TRMT10B: variants seen among roughly 807,000 people sequenced by gnomAD.
TRMT10B encodes tRNA methyltransferase 10 homolog B.
A neutral mutation model predicts 43.8 loss-of-function variants in TRMT10B; 33 were observed. That is an observed-to-expected ratio of 0.75 (90% CI 0.57 to 1.01). The LOEUF (loss-of-function observed/expected upper bound fraction) is 1.01. Ranked by LOEUF, TRMT10B falls within the 50% of genes least tolerant of loss-of-function variation. The pLI, the probability that TRMT10B is intolerant of heterozygous loss-of-function variation, is 0.00. For synonymous variants in TRMT10B, 137 were observed against 130.6 expected, an observed-to-expected ratio of 1.05 and a Z score of -0.34; for missense variants, 362 against 369.8, an observed-to-expected ratio of 0.98 and a Z score of 0.17.
chr9:37,759,919 T>C (rs973215017), intron 1 of TRMT10B, among the ~76,000 whole-genome samples: 4 of 152,306 alleles, frequency 2.6e-5, no homozygotes, highest in African/African-American at 9.6e-5. Flanking sequence ...AGTTAGTATA[T>C]TTTACCACAT....
intron 1 of TRMT10B, among the ~76,000 whole-genome samples, chr9:37,756,014 A>T (rs1563981818): frequency 6.6e-6 from 1 of 152,172 alleles, no homozygotes; most frequent in Non-Finnish European, 1.5e-5. Context: ...CCTATCCTAG[A>T]TCTCTTTTCC....
chr9:37,771,422 T>G (rs183253692), intron 7 of TRMT10B, among the ~76,000 whole-genome samples: 6 of 151,922 alleles, frequency 3.9e-5, no homozygotes, highest in Non-Finnish European at 7.4e-5. Flanking sequence ...AAGTATGTGT[T>G]TGTGGGTATA....
chr9:37,753,173 AGAAG>A (rs1825137298), upstream of TRMT10B, among the ~76,000 whole-genome samples: 1 of 152,106 alleles, frequency 6.6e-6, no homozygotes, highest in Non-Finnish European at 1.5e-5. Context: ...TGAACCCGCC[AGAAG>A]GAAGAAACTC....
At chr9:37,757,316 TCCTC>T (rs1207707517) in intron 1 of TRMT10B, among the ~76,000 whole-genome samples, 1 of 152,110 alleles carries the variant, frequency 6.6e-6, no homozygotes. Context: ...GCTCAATTGA[TCCTC>T]CCTCCTCAGC....
In TRMT10B at chr9:37,778,656, C is replaced by T. The variant is rs1828434375; in HGVS notation, c.*949C>T. 6.6e-6 allele frequency: 1 copy of T among 152,190 alleles called. No individual in the cohort carries two copies. The highest frequency in any genetic ancestry group is 2.1e-4 in the South Asian group (1 of 4,830). 9.4% of individuals were successfully genotyped at this position (152,190 alleles called of 1,614,324 possible). A position where few individuals can be genotyped will look rare whatever the true frequency, so the allele number is the denominator to read the frequency against. The stretch of plus-strand genomic sequence containing the variant: ...AAGAGTTTAATATTCACTAAACTGG[C>T]ATCATAAAATTGTATGACTTTCTCC... On this transcript the variant is annotated 3_prime_UTR_variant, in exon 9 of 9. Transcript: ENST00000297994.
At chr9:37,761,088 T>C (rs978042745) in intron 1 of TRMT10B, among the ~76,000 whole-genome samples, 1 of 152,228 alleles carries the variant, frequency 6.6e-6, no homozygotes, top group Non-Finnish European at 1.5e-5. Context: ...AAAAAACTGA[T>C]ACATACCAAC....
intron 6 of TRMT10B, 46 bp downstream of exon 6, chr9:37,770,065 T>C (rs771902559): frequency 6.6e-7 from 1 of 1,519,470 alleles, no homozygotes; most frequent in Non-Finnish European, 9.1e-7. Flanking sequence ...TGTTCCTGTG[T>C]TTCATTATTC....
intron 7 of TRMT10B, among the ~76,000 whole-genome samples, chr9:37,773,698 G>A (rs938363968): frequency 4.6e-5 from 7 of 152,112 alleles, no homozygotes; most frequent in Non-Finnish European, 8.8e-5. Context: ...GCTGAGTGTG[G>A]TGGCATGTGC....
At chr9:37,761,164 C>G (rs1290011143) in intron 1 of TRMT10B, among the ~76,000 whole-genome samples, 1 of 152,178 alleles carries the variant, frequency 6.6e-6, no homozygotes, top group East Asian at 1.9e-4. Flanking sequence ...CCCAAGATGT[C>G]TCTAGTACAG....
chr9:37,772,047 T>C (rs199558556), intron 7 of TRMT10B, among the ~76,000 whole-genome samples: 1 of 152,178 alleles, frequency 6.6e-6, no homozygotes, highest in African/African-American at 2.4e-5. Context: ...GGTCTCACTC[T>C]GTTGCCCAGG....
chr9:37,765,461 G>A (rs1050513780), intron 4 of TRMT10B, among the ~76,000 whole-genome samples: 6 of 151,344 alleles, frequency 4.0e-5, no homozygotes, highest in Non-Finnish European at 8.8e-5. Context: ...CTATTCCATG[G>A]TATATATGTG....
intron 4 of TRMT10B, 182 bp downstream of exon 4, chr9:37,763,935 AAT>A: frequency 7.9e-7 from 1 of 1,272,766 alleles, no homozygotes; most frequent in South Asian, 1.5e-5. Flanking sequence ...CCTGGAAGAG[AAT>A]ATATATAGTT....
At position 37,768,147 on chromosome 9, in the gene TRMT10B, G is replaced by T. The variant is rs1445438477; in HGVS notation, c.492G>T (p.Trp164Cys). Residue 164 changes from tryptophan (W) to cysteine (C), a missense_variant, in exon 5 of 9, where the codon TGG becomes TGT. Transcript: ENST00000297994. Reference protein sequence around the residue: ...GSNKKADRPFWICLTGFTTDS... With the variant: ...GSNKKADRPFCICLTGFTTDS... ...ACAAAAAAGCTGACAGGCCATTTTGGATCTGCCTCACTGGATTCACAACAG... is the reference window on the plus strand; with the variant it reads ...ACAAAAAAGCTGACAGGCCATTTTGTATCTGCCTCACTGGATTCACAACAG... The T allele has an allele frequency of 2.5e-6, 4 of 1,614,162 alleles. No homozygotes were observed. The highest frequency in any genetic ancestry group is 3.4e-6 in the Non-Finnish European group (4 of 1,180,018).
intron 1 of TRMT10B, among the ~76,000 whole-genome samples, chr9:37,761,685 C>G (rs1460574372): frequency 6.6e-6 from 1 of 152,144 alleles, no homozygotes; most frequent in African/African-American, 2.4e-5. Context: ...GTAACGAGAG[C>G]AAAACCGTCT....
upstream of TRMT10B, among the ~76,000 whole-genome samples, chr9:37,753,005 A>G (rs1035412332): frequency 1.4e-4 from 21 of 152,126 alleles, no homozygotes; most frequent in African/African-American, 4.8e-5. Flanking sequence ...TGTGAGCTAT[A>G]ACACTCGCCG....
At position 37,754,790 on chromosome 9, in the gene TRMT10B, G is replaced by A. The variant is rs994533522; in HGVS notation, c.-30+938G>A. ...TTCAGCATCGGACCCATAATTGGAG[G>A]CTCAGAAAAGATGTTTAATGAAGAA... On this transcript the variant is annotated intron_variant, in intron 1 of 8. Transcript: ENST00000297994. 2.6e-5 allele frequency among the ~76,000 whole-genome samples: 4 copies of A among 152,266 alleles called. No homozygotes were observed. In the East Asian group the frequency reaches 7.7e-4, roughly 29 times the overall value.
chr9:37,777,347 G>C (rs10973539), intron 8 of TRMT10B, among the ~76,000 whole-genome samples: 2 of 148,698 alleles, frequency 1.3e-5, no homozygotes, highest in Non-Finnish European at 3.0e-5. Context: ...GGCCACAGCA[G>C]AGCCCTTCTG....
chr9:37,764,178 T>G (rs576725501), intron 4 of TRMT10B, among the ~76,000 whole-genome samples: 2 of 152,278 alleles, frequency 1.3e-5, no homozygotes, highest in South Asian at 4.1e-4. Flanking sequence ...GATGGAGTCT[T>G]GCTTTTGTCA....
chr9:37,756,410 T>TA (rs10709633), intron 1 of TRMT10B, among the ~76,000 whole-genome samples: 5,066 of 148,028 alleles, frequency 0.034, 144 homozygotes, highest in African/African-American at 0.083. Flanking sequence ...ATCTTTTGTT[T>TA]AAAAAAAAAA....
Sources: gnomAD v4.1 joint callset for allele counts (sites outside exome capture counted in the v4.1 genomes callset) on GRCh38, gnomAD v4.1.1 for gene constraint, MANE v1.5 for transcripts, NCBI Gene and HGNC (gene_info 2026-07-23, HGNC 2026-07-21) for gene names.